The following ABLIM2 variants were observed in gnomAD, a reference collection of about 807,000 sequenced individuals.
ABLIM2 encodes actin binding LIM protein family member 2.
Under a neutral mutation model 97.7 loss-of-function variants are expected in ABLIM2, and 53 were observed. The observed-to-expected ratio is 0.54, with a 90% CI of 0.44 to 0.68. The LOEUF (loss-of-function observed/expected upper bound fraction) is 0.68. Among genes scored for constraint, ABLIM2 ranks in the 30% least tolerant of loss-of-function variants. The pLI is 0.00. For missense variants in ABLIM2, 835 were observed against 867.2 expected, an observed-to-expected ratio of 0.96 and a Z score of 0.47; for synonymous variants, 361 against 345.8, an observed-to-expected ratio of 1.04 and a Z score of -0.49.
chr4:8,082,088 C>T lies in ABLIM2; in HGVS notation c.455-1286G>A, dbSNP rs924696278. Among the ~76,000 whole-genome samples the T allele has an allele frequency of 3.9e-5, 6 of 152,084 alleles. No homozygotes were observed. Among genetic ancestry groups the T allele is most frequent in the African/African-American group, 1.4e-4 (6 of 41,410 alleles). ...GTTGGGGGCATGACAAGGGAAGGGC[C>T]TCGGACCCCGTAATGGACAGGGAGG... On this transcript the variant is annotated intron_variant, in intron 4 of 20. Coordinates refer to ENST00000447017, the MANE Select transcript of ABLIM2 (RefSeq NM_001130083.2). This position sits in a 1 kb window ranked among gnomAD's most constrained non-coding sequence, Gnocchi z 5.6.
intron 11 of ABLIM2, among the ~76,000 whole-genome samples, chr4:8,028,718 G>C (rs11933541): frequency 0.23 from 33,897 of 149,108 alleles, 4,034 homozygotes; most frequent in East Asian, 0.31. Flanking sequence ...CACTAATTCA[G>C]TCATTCATGC....
Position 8,060,956 on chromosome 4 carries a change from T to A in ABLIM2, c.763+11A>T. 1.0e-5 allele frequency: 16 copies of A among 1,570,004 alleles called. No homozygotes were observed. The highest frequency in any genetic ancestry group is 1.4e-5 in the Non-Finnish European group (16 of 1,156,570). ...GCTCTAGGGGACCAAACAACACATTTTAATTTGTACCTTGAAGATACATCT... is the reference window on the plus strand; with the variant it reads ...GCTCTAGGGGACCAAACAACACATTATAATTTGTACCTTGAAGATACATCT... On this transcript the variant is annotated intron_variant, in intron 7 of 20. Coordinates refer to ENST00000447017, the MANE Select transcript of ABLIM2 (RefSeq NM_001130083.2).
intron 3 of ABLIM2, among the ~76,000 whole-genome samples, chr4:8,093,931 A>G (rs1000750050): frequency 1.3e-4 from 20 of 152,194 alleles, no homozygotes; most frequent in African/African-American, 4.6e-4. Flanking sequence ...TACTTCCTTA[A>G]ACACTTGTTG....
chr4:8,077,816 TGG>T, intron 5 of ABLIM2, 95 bp from the exon 6 acceptor site: 1 of 1,093,334 alleles, frequency 9.1e-7, no homozygotes, highest in Non-Finnish European at 1.3e-6. Flanking sequence ...GCCCTCAAAG[TGG>T]GGGAATGCCC....
At position 8,019,430 on chromosome 4, in the gene ABLIM2, C is replaced by T. The variant is rs916819001; in HGVS notation, c.1423+188G>A. Among the ~76,000 whole-genome samples, 5 of 152,160 alleles carry T rather than the reference C, an allele frequency of 3.3e-5. No homozygotes were observed. The highest frequency in any genetic ancestry group is 7.2e-5 in the African/African-American group (3 of 41,428). ...TTCCTTACTCAGACATACCCTTCAT[C>T]GTAATTTATCAGAACAGGACTCTCG... On this transcript the variant is annotated intron_variant, in intron 14 of 20. Transcript: ENST00000447017. The surrounding 1 kb of genome is among the most constrained non-coding windows in gnomAD (Gnocchi z 4.3).
At chr4:8,100,731 A>C (rs982916229) in intron 2 of ABLIM2, among the ~76,000 whole-genome samples, 4 of 149,590 alleles carry the variant, frequency 2.7e-5, no homozygotes, top group Non-Finnish European at 5.9e-5. Context: ...GGGCAACAAG[A>C]ATGAAACTCC....
At position 8,070,084 on chromosome 4, in the gene ABLIM2, GTCTT is replaced by G. The variant is rs575671342; in HGVS notation, c.675+7540_675+7543del. On this transcript the variant is annotated intron_variant, in intron 6 of 20. Transcript: ENST00000447017. Reference sequence around the variant, plus strand: ...ATCTGAGTGTGTCTGTGTCATCTGTGTCTTTCTGTGTGTTTGTGTGTCTGCATGT... The same window carrying G: ...ATCTGAGTGTGTCTGTGTCATCTGTGTCTGTGTGTTTGTGTGTCTGCATGT... Among the ~76,000 whole-genome samples, 23 of 151,938 alleles carry G rather than the reference GTCTT, an allele frequency of 1.5e-4. No individual in the cohort carries two copies. In the East Asian group the frequency reaches 3.5e-3, roughly 23 times the overall value.
At position 8,030,418 on chromosome 4, in the gene ABLIM2, C is replaced by A. The variant is rs779655258; in HGVS notation, c.1048-642G>T. Among the ~76,000 whole-genome samples the A allele has an allele frequency of 1.5e-3, 232 of 152,316 alleles. 5 individuals carry two copies. The highest frequency in any genetic ancestry group is 1.6e-3 in the Non-Finnish European group (112 of 68,024). On this transcript the variant is annotated intron_variant, in intron 10 of 20. Coordinates refer to ENST00000447017, the MANE Select transcript of ABLIM2 (RefSeq NM_001130083.2). ...CACAGCTTGGCATGCTGTCCCGGGT[C>A]ATTACATGGCCCAGCCCAGTGTCCT...
chr4:7,987,006 A>G (rs774195748), intron 17 of ABLIM2, among the ~76,000 whole-genome samples: 1 of 152,114 alleles, frequency 6.6e-6, no homozygotes, highest in Non-Finnish European at 1.5e-5. Flanking sequence ...TTTAAGAGAC[A>G]GAGTCTGGCT....
Position 8,008,177 on chromosome 4 carries a change from G to A in ABLIM2, c.1500C>T (p.Leu500=), listed in dbSNP as rs1762617279. Residue 500 remains leucine (L), a synonymous_variant, in exon 16 of 21, where the codon CTC becomes CTT. Transcript: ENST00000447017. ...TGGTCCTTGTGTCTGCATCCCCCTT[G>A]AGCATCAGCCAGCTGCTCTTCTGCT... ...NRKQKSSWLM[L]KGDADTRTNS... 3 of 1,613,766 alleles carry A rather than the reference G, an allele frequency of 1.9e-6. No individual in the cohort carries two copies. Among genetic ancestry groups the A allele is most frequent in the African/African-American group, 1.3e-5 (1 of 75,062 alleles).
chr4:7,999,350 G>T lies in ABLIM2; in HGVS notation c.1619-6423C>A, dbSNP rs750053711. On this transcript the variant is annotated intron_variant, in intron 16 of 20. Transcript: ENST00000447017. This position sits in a 1 kb window ranked among gnomAD's most constrained non-coding sequence, Gnocchi z 4.4. ...TGAGATTACAGGCGTGAGCCACTGC[G>T]CCCGGCCAAGAATCACTGGTTTAAA... Among the ~76,000 whole-genome samples the T allele has an allele frequency of 6.6e-6, 1 of 152,168 alleles. No homozygotes were observed. Among genetic ancestry groups the T allele is most frequent in the African/African-American group, 2.4e-5 (1 of 41,438 alleles).
At chr4:7,978,677 A>T (rs1004374053) in intron 20 of ABLIM2, among the ~76,000 whole-genome samples, 3 of 152,154 alleles carry the variant, frequency 2.0e-5, no homozygotes, top group South Asian at 2.1e-4. Context: ...CCCTCCCAGC[A>T]GTTCCTGACT....
Position 8,067,167 on chromosome 4 carries a change from G to A in ABLIM2, c.676-6113C>T, listed in dbSNP as rs117337770. On this transcript the variant is annotated intron_variant, in intron 6 of 20. Transcript: ENST00000447017. This position sits in a 1 kb window ranked among gnomAD's most constrained non-coding sequence, Gnocchi z 5.4. The stretch of plus-strand genomic sequence containing the variant: ...AAGGCAGGCTGGATGCTACCTCCTG[G>A]GAAGACTCCATGGGCCATGGGGACA... The A allele has an allele frequency of 5.2e-3, 793 of 152,354 alleles. 6 individuals carry two copies. Among genetic ancestry groups the A allele is most frequent in the South Asian group, 0.025 (120 of 4,828 alleles). The allele number at this position is 152,354 out of a possible 1,614,324, so 9.4% of individuals were successfully genotyped here.
intron 10 of ABLIM2, 118 bp downstream of exon 10, chr4:8,036,031 G>GAGTGGTGAAGATGGA: frequency 8.1e-7 from 1 of 1,241,260 alleles, no homozygotes; most frequent in Non-Finnish European, 1.1e-6. Context: ...GCGTGTGGGT[G>GAGTGGTGAAGATGGA]AGTGGTGAAG....
At chr4:8,146,109 T>C (rs1312699178) in intron 1 of ABLIM2, among the ~76,000 whole-genome samples, 3 of 152,254 alleles carry the variant, frequency 2.0e-5, no homozygotes, top group Non-Finnish European at 4.4e-5. Flanking sequence ...TGATGCGTCC[T>C]GTATTCTTCG....
chr4:8,134,118 A>T (rs1849836923), intron 1 of ABLIM2, among the ~76,000 whole-genome samples: 1 of 152,242 alleles, frequency 6.6e-6, no homozygotes, highest in South Asian at 2.1e-4. Flanking sequence ...ACACAGCTGA[A>T]GAGGGGATGG....
At chr4:7,976,750 T>C (rs776384662) in intron 20 of ABLIM2, among the ~76,000 whole-genome samples, 1 of 151,946 alleles carries the variant, frequency 6.6e-6, no homozygotes, top group African/African-American at 2.4e-5. Context: ...TATGCAAATA[T>C]GCACACACAT....
chr4:8,119,324 CTTTTTT>C (rs71175466), intron 1 of ABLIM2, among the ~76,000 whole-genome samples: 1 of 108,138 alleles, frequency 9.2e-6, no homozygotes, highest in African/African-American at 3.4e-5. Flanking sequence ...GGGCTTCCTT[CTTTTTT>C]TTTTTTTTTT....
Position 8,080,682 on chromosome 4 carries a change from A to T in ABLIM2, c.575T>A (p.Ile192Asn), listed in dbSNP as rs762474565. 7.5e-6 allele frequency: 12 copies of T among 1,605,268 alleles called. No homozygotes were observed. The African/African-American group carries it at 1.5e-4, about 20-fold the overall frequency. The change falls in exon 5 of 21, where the codon ATC (isoleucine) becomes AAC (asparagine). Residue 192 changes from isoleucine to asparagine, a missense_variant. Ile to Asn is a moderately radical substitution (Grantham distance 149). Coordinates refer to ENST00000447017, the MANE Select transcript of ABLIM2 (RefSeq NM_001130083.2). ...SCGKLLNAEY[I>N]SKDGLPYCEA... ...GAGCCCTCCCCCCACTTACTTGCTGATGTACTCGGCATTCAGGAGCTTCCC... is the reference window on the plus strand; with the variant it reads ...GAGCCCTCCCCCCACTTACTTGCTGTTGTACTCGGCATTCAGGAGCTTCCC...
Sources: allele counts gnomAD v4.1 joint callset (sites outside exome capture counted in the v4.1 genomes callset), GRCh38; gene constraint gnomAD v4.1.1; non-coding constraint Gnocchi (gnomAD v3.1); transcripts MANE v1.5; gene names NCBI Gene and HGNC (gene_info 2026-07-23, HGNC 2026-07-21).